Variants in INVS observed in about 807,000 individuals in gnomAD.
The protein encoded by INVS is inversin, also known as inversion of embryo turning homolog.
INVS carries 86 observed loss-of-function variants against 108.8 expected under a neutral mutation model. The ratio of observed to expected loss-of-function variants is 0.79; its 90% CI spans 0.66 to 0.95. INVS has a LOEUF of 0.95. Among genes scored for constraint, INVS ranks in the 40% least tolerant of loss-of-function variants. INVS has a pLI of 0.00. For synonymous variants in INVS, 455 were observed against 473.5 expected, an observed-to-expected ratio of 0.96 and a Z score of 0.51; for missense variants, 1,169 against 1,297.4, an observed-to-expected ratio of 0.90 and a Z score of 1.52.
rs1214856409 is a variant in INVS at position 100,173,021 on chromosome 9, G to C, written c.273+46472G>C. ...TCAGTGCAGGGCTACCATTGTCTTA[G>C]AATAACTTAGTTAGAAGGATGAAGA... On this transcript the variant is annotated intron_variant, in intron 3 of 16. Transcript: ENST00000262457. Among the ~76,000 whole-genome samples, 8 of 152,204 alleles carry C rather than the reference G, an allele frequency of 5.3e-5. No homozygotes were observed. The East Asian group carries it at 1.5e-3, about 29-fold the overall frequency.
intron 2 of INVS, among the ~76,000 whole-genome samples, chr9:100,123,829 T>C (rs1480899497): frequency 6.6e-6 from 1 of 152,186 alleles, no homozygotes; most frequent in Non-Finnish European, 1.5e-5. Flanking sequence ...TCTTATATTG[T>C]GGTTTTTGTT....
intron 3 of INVS, among the ~76,000 whole-genome samples, chr9:100,141,696 G>C (rs756319137): frequency 6.6e-6 from 1 of 152,184 alleles, no homozygotes; most frequent in Non-Finnish European, 1.5e-5. Context: ...CTCCGAGCTT[G>C]ATATGTAGGA....
At chr9:100,252,617 T>C (rs879412134) in intron 9 of INVS, among the ~76,000 whole-genome samples, 179 bp downstream of exon 9, 2 of 152,230 alleles carry the variant, frequency 1.3e-5, no homozygotes, top group African/African-American at 2.4e-5. Flanking sequence ...TGTTGGGAGT[T>C]GCTTGATACA....
At chr9:100,193,778 A>G (rs1006342622) in intron 3 of INVS, among the ~76,000 whole-genome samples, 9 of 152,218 alleles carry the variant, frequency 5.9e-5, no homozygotes, top group African/African-American at 1.9e-4. Context: ...AATGATTTAT[A>G]TATTATCATT....
chr9:100,126,273 A>G, intron 2 of INVS, 110 bp from the exon 3 acceptor site: 1 of 853,296 alleles, frequency 1.2e-6, no homozygotes, highest in Non-Finnish European at 1.9e-6. Context: ...AAATAAGATG[A>G]TATACTTAAG....
intron 2 of INVS, among the ~76,000 whole-genome samples, chr9:100,122,286 T>C (rs1431288281): frequency 6.6e-6 from 1 of 152,214 alleles, no homozygotes; most frequent in Non-Finnish European, 1.5e-5. Flanking sequence ...TTACCAATTA[T>C]AATTGTGTTT....
chr9:100,115,481 T>A (rs994545799), intron 2 of INVS, among the ~76,000 whole-genome samples: 1 of 151,464 alleles, frequency 6.6e-6, no homozygotes, highest in African/African-American at 2.4e-5. Context: ...CAGGCCCCAG[T>A]GTGTGATGTT....
At chr9:100,160,907 A>C (rs905189864) in intron 3 of INVS, among the ~76,000 whole-genome samples, 2 of 144,096 alleles carry the variant, frequency 1.4e-5, no homozygotes, top group Non-Finnish European at 3.0e-5. Context: ...GTGAGCTGAG[A>C]TCACACCACT....
chr9:100,168,132 A>G (rs1829424352), intron 3 of INVS, among the ~76,000 whole-genome samples: 1 of 151,862 alleles, frequency 6.6e-6, no homozygotes, highest in Non-Finnish European at 1.5e-5. Flanking sequence ...CCTAGTGGAG[A>G]GCAGAGGCTG....
intron 10 of INVS, among the ~76,000 whole-genome samples, chr9:100,264,238 G>C (rs1240999671): frequency 6.6e-6 from 1 of 152,024 alleles, no homozygotes; most frequent in Non-Finnish European, 1.5e-5. Context: ...TTAGATTCAG[G>C]TTTCACATTT....
intron 2 of INVS, among the ~76,000 whole-genome samples, chr9:100,108,492 AT>A (rs922425202): frequency 7.9e-5 from 12 of 151,890 alleles, no homozygotes; most frequent in Non-Finnish European, 1.8e-4. Flanking sequence ...TTTCAATGTA[AT>A]TTTTTTTCTA....
intron 3 of INVS, among the ~76,000 whole-genome samples, chr9:100,171,403 T>G (rs1024302688): frequency 6.6e-6 from 1 of 152,152 alleles, no homozygotes; most frequent in African/African-American, 2.4e-5. Context: ...AACATCTAGG[T>G]TTGTGTATAC....
intron 3 of INVS, among the ~76,000 whole-genome samples, chr9:100,131,389 T>C (rs758578617): frequency 1.3e-5 from 2 of 152,186 alleles, no homozygotes; most frequent in Non-Finnish European, 2.9e-5. Flanking sequence ...TTTTGGCACA[T>C]GTTCACTTCT....
chr9:100,126,547 A>C lies in INVS; in HGVS notation c.271A>C (p.Lys91Gln), dbSNP rs765037462. The stretch of plus-strand genomic sequence containing the variant: ...AACAGCCCTCCATCTTGCAGCCCAG[A>C]AGGTGAGAAGTAAAATTTCCTTGAA... ...QRTALHLAAQ[K>Q]GNYRFMKLLL... Residue 91 changes from lysine (K) to glutamine (Q), a missense_variant and splice_region_variant, in exon 3 of 17, where the codon AAG becomes CAG. Lys to Gln is a moderately conservative substitution (Grantham distance 53, BLOSUM62 1). Transcript: ENST00000262457. 6.2e-7 allele frequency: 1 copy of C among 1,614,136 alleles called. No homozygotes were observed. The highest frequency in any genetic ancestry group is 8.5e-7 in the Non-Finnish European group (1 of 1,179,994).
At chr9:100,117,514 A>T in intron 2 of INVS, 1 of 888,632 alleles carries the variant, frequency 1.1e-6, no homozygotes. Flanking sequence ...GGCCCCGTCC[A>T]CGGCCGCAAC....
chr9:100,138,299 G>A (rs895746515), intron 3 of INVS, among the ~76,000 whole-genome samples: 6 of 152,140 alleles, frequency 3.9e-5, no homozygotes, highest in Admixed American at 6.5e-5. Flanking sequence ...CCAGCTACTC[G>A]GGAGGCTGAG....
At chr9:100,167,286 A>C (rs557043571) in intron 3 of INVS, among the ~76,000 whole-genome samples, 2 of 152,158 alleles carry the variant, frequency 1.3e-5, no homozygotes, top group Non-Finnish European at 2.9e-5. Context: ...GTGATCTATC[A>C]AGCCTTTTAT....
intron 12 of INVS, among the ~76,000 whole-genome samples, chr9:100,276,610 G>A (rs1325068953): frequency 6.6e-6 from 1 of 152,150 alleles, no homozygotes; most frequent in East Asian, 1.9e-4. Flanking sequence ...CTGGGTTCAA[G>A]CCATTCTCCT....
intron 2 of INVS, 46 bp from the exon 3 acceptor site, chr9:100,126,337 G>T (rs1295075625): frequency 2.1e-6 from 3 of 1,442,312 alleles, no homozygotes; most frequent in African/African-American, 2.8e-5. Flanking sequence ...ACTTATATTA[G>T]TAATAACAAT....
Sources: gnomAD v4.1 joint callset for allele counts (sites outside exome capture counted in the v4.1 genomes callset) on GRCh38, gnomAD v4.1.1 for gene constraint, MANE v1.5 for transcripts, NCBI Gene and HGNC (gene_info 2026-07-23, HGNC 2026-07-21) for gene names.